SLC24A4: variants seen among roughly 807,000 people sequenced by gnomAD.
SLC24A4 encodes solute carrier family 24 member 4.
A neutral mutation model predicts 79.0 loss-of-function variants in SLC24A4; 53 were observed. The observed-to-expected ratio is 0.67, with a 90% CI of 0.54 to 0.84. The LOEUF is 0.84. Ranked by LOEUF, SLC24A4 falls within the 40% of genes least tolerant of loss-of-function variation. SLC24A4 has a pLI of 0.00. For synonymous variants in SLC24A4, 323 were observed against 323.8 expected (o/e 1.00, Z 0.03); for missense variants, 731 against 822.0 (o/e 0.89, Z 1.35).
chr14:92,451,714 A>G (rs1321733799), intron 10 of SLC24A4: 1 of 152,198 alleles, frequency 6.6e-6, no homozygotes, highest in East Asian at 1.9e-4. Context: ...GAGTACTGAA[A>G]CGTTCTTAAA....
intron 14 of SLC24A4, among the ~76,000 whole-genome samples, 197 bp downstream of exon 14, chr14:92,486,977 C>CT (rs1260536381): frequency 3.9e-5 from 6 of 152,180 alleles, no homozygotes; most frequent in African/African-American, 1.4e-4. Flanking sequence ...AAGATGAACT[C>CT]CTCCAGACCT....
chr14:92,359,300 G>A (rs1442829404), intron 2 of SLC24A4, among the ~76,000 whole-genome samples: 1 of 149,672 alleles, frequency 6.7e-6, no homozygotes, highest in East Asian at 1.9e-4. Context: ...TCAAGTCCGG[G>A]CACAGTGGCT....
intron 2 of SLC24A4, among the ~76,000 whole-genome samples, chr14:92,363,463 A>G (rs781529700): frequency 3.3e-5 from 5 of 152,238 alleles, no homozygotes; most frequent in Admixed American, 6.5e-5. Flanking sequence ...CACCATGTTA[A>G]CAGTCCAGGT....
intron 8 of SLC24A4, among the ~76,000 whole-genome samples, chr14:92,446,869 G>A (rs932834255): frequency 1.3e-5 from 2 of 152,196 alleles, no homozygotes; most frequent in African/African-American, 4.8e-5. Flanking sequence ...CCTTCCATGG[G>A]CAGCATAAGG....
At chr14:92,423,407 A>G (rs544068010) in intron 2 of SLC24A4, among the ~76,000 whole-genome samples, 1 of 152,338 alleles carries the variant, frequency 6.6e-6, no homozygotes, top group South Asian at 2.1e-4. Context: ...GGCCTTTCAA[A>G]GTGCGGCCTC....
intron 12 of SLC24A4, among the ~76,000 whole-genome samples, chr14:92,475,168 C>T (rs2139903773): frequency 6.6e-6 from 1 of 152,252 alleles, no homozygotes; most frequent in African/African-American, 2.4e-5. Flanking sequence ...ACTGCTCCCC[C>T]AGTGACCCAC....
Position 92,384,169 on chromosome 14 carries a change from G to A in SLC24A4, c.242-49743G>A, listed in dbSNP as rs79279950. ...ACACTCCACAGCTCCTCAGAAGAGC[G>A]TGGCAAACAGGGTCTTTGGGGTAAA... On this transcript the variant is annotated intron_variant, in intron 2 of 16. Transcript: ENST00000532405. 2.5e-4 allele frequency among the ~76,000 whole-genome samples: 38 copies of A among 152,292 alleles called. No individual in the cohort carries two copies. The Middle Eastern group carries it at 0.01, about 41-fold the overall frequency.
At position 92,456,486 on chromosome 14, in the gene SLC24A4, A is replaced by G. The variant is rs746739825; in HGVS notation, c.1133A>G (p.Asn378Ser). The G allele has an allele frequency of 1.2e-6, 2 of 1,614,222 alleles. No individual in the cohort carries two copies. The highest frequency in any genetic ancestry group is 1.1e-5 in the South Asian group (1 of 91,086). The change falls in exon 12 of 17, where the codon AAT (asparagine) becomes AGT (serine). Residue 378 changes from asparagine to serine, a missense_variant. Coordinates refer to ENST00000532405, the MANE Select transcript of SLC24A4 (RefSeq NM_153646.4). ...NGRHENIENGNVPVENPEDPQ... is the reference protein window; with the variant it reads ...NGRHENIENGSVPVENPEDPQ... ...AGGCACGAGAACATTGAGAACGGGA[A>G]TGTTCCTGTGGAAAACCCCGAAGAC...
chr14:92,404,718 A>G (rs573186717), intron 2 of SLC24A4, among the ~76,000 whole-genome samples: 1 of 152,284 alleles, frequency 6.6e-6, no homozygotes, highest in Non-Finnish European at 1.5e-5. Flanking sequence ...TGCCACACAT[A>G]TGTATCTCAA....
chr14:92,364,137 C>T (rs1395727392), intron 2 of SLC24A4, among the ~76,000 whole-genome samples: 4 of 152,202 alleles, frequency 2.6e-5, no homozygotes, highest in Non-Finnish European at 5.9e-5. Context: ...CTACTGCTTT[C>T]GTGACATAAT....
rs1019686759 is a variant in SLC24A4 at position 92,337,901 on chromosome 14, A to G, written c.241+11923A>G. Among the ~76,000 whole-genome samples the G allele has an allele frequency of 2.6e-5, 4 of 152,362 alleles. No homozygotes were observed. In the South Asian group the frequency reaches 8.3e-4, roughly 32 times the overall value. On this transcript the variant is annotated intron_variant, in intron 2 of 16. Coordinates refer to ENST00000532405, the MANE Select transcript of SLC24A4 (RefSeq NM_153646.4). ...TCTTAAAGAGAACTTAAACTGAAGT[A>G]TAACTTCACAGTACAAATTTTCGGA...
At chr14:92,406,520 G>A (rs1384394477) in intron 2 of SLC24A4, among the ~76,000 whole-genome samples, 3 of 152,194 alleles carry the variant, frequency 2.0e-5, no homozygotes, top group Admixed American at 6.5e-5. Flanking sequence ...TGGACATCCA[G>A]GCATTTCCAT....
intron 12 of SLC24A4, among the ~76,000 whole-genome samples, chr14:92,474,843 G>GTGTATATATATATATATATATATATA (rs779007741): frequency 4.2e-5 from 1 of 23,886 alleles, no homozygotes; most frequent in African/African-American, 9.8e-5. Flanking sequence ...GTGTGTGTGT[G>GTGTATATATATATATATATATATATA]TATATATATA....
intron 13 of SLC24A4, chr14:92,484,107 A>G (rs1895227892): frequency 1.0e-6 from 1 of 985,312 alleles, no homozygotes; most frequent in African/African-American, 1.7e-5. Context: ...GAATGAAAAG[A>G]GAGCCCAGCA....
Position 92,344,702 on chromosome 14 carries a change from G to T in SLC24A4, c.241+18724G>T, listed in dbSNP as rs1886425421. Among the ~76,000 whole-genome samples, 2 of 152,102 alleles carry T rather than the reference G, an allele frequency of 1.3e-5. 1 individual carries two copies. The highest frequency in any genetic ancestry group is 4.1e-4 in the South Asian group (2 of 4,830). On this transcript the variant is annotated intron_variant, in intron 2 of 16. Coordinates refer to ENST00000532405, the MANE Select transcript of SLC24A4 (RefSeq NM_153646.4). Reference sequence around the variant, plus strand: ...GCTGAGACAGTGAAAGTGGAGAGAGGATTTCATTTCAGAGACTGGGTTTTG... The same window carrying T: ...GCTGAGACAGTGAAAGTGGAGAGAGTATTTCATTTCAGAGACTGGGTTTTG...
At position 92,336,465 on chromosome 14, in the gene SLC24A4, G is replaced by C. The variant is rs567637931; in HGVS notation, c.241+10487G>C. On this transcript the variant is annotated intron_variant, in intron 2 of 16. Coordinates refer to ENST00000532405, the MANE Select transcript of SLC24A4 (RefSeq NM_153646.4). ...GCACTCCCTGCCCAGGGGTCTTCCG[G>C]TTGGAGGTGGGAACGCATGGCCGCC... Among the ~76,000 whole-genome samples the C allele has an allele frequency of 3.9e-5, 6 of 152,368 alleles. No homozygotes were observed. The South Asian group carries it at 1.0e-3, about 26-fold the overall frequency.
At position 92,353,135 on chromosome 14, in the gene SLC24A4, T is replaced by G. The variant is rs1028563100; in HGVS notation, c.241+27157T>G. On this transcript the variant is annotated intron_variant, in intron 2 of 16. Coordinates refer to ENST00000532405, the MANE Select transcript of SLC24A4 (RefSeq NM_153646.4). This position sits in a 1 kb window ranked among gnomAD's most constrained non-coding sequence, Gnocchi z 4.1. ...CCTCAAAGGCAACCCTTTAGCAGTTTGTGCATGCATAGAATATGGGCCTAT... is the reference window on the plus strand; with the variant it reads ...CCTCAAAGGCAACCCTTTAGCAGTTGGTGCATGCATAGAATATGGGCCTAT... 7.9e-5 allele frequency among the ~76,000 whole-genome samples: 12 copies of G among 152,212 alleles called. No individual in the cohort carries two copies. The highest frequency in any genetic ancestry group is 2.9e-4 in the African/African-American group (12 of 41,466).
rs545856362 is a variant in SLC24A4 at position 92,397,797 on chromosome 14, A to G, written c.242-36115A>G. Reference sequence around the variant, plus strand: ...TGCAAGTTGAGAATTAATAAAAGTAAAGTAAGAGCCCACCTGGCAGAGGGG... The same window carrying G: ...TGCAAGTTGAGAATTAATAAAAGTAGAGTAAGAGCCCACCTGGCAGAGGGG... On this transcript the variant is annotated intron_variant, in intron 2 of 16. Transcript: ENST00000532405. Among the ~76,000 whole-genome samples the G allele has an allele frequency of 2.0e-5, 3 of 152,338 alleles. No individual in the cohort carries two copies. In the South Asian group the frequency reaches 6.2e-4, roughly 32 times the overall value.
chr14:92,338,208 T>C (rs1885926915), intron 2 of SLC24A4, among the ~76,000 whole-genome samples: 1 of 152,200 alleles, frequency 6.6e-6, no homozygotes, highest in African/African-American at 2.4e-5. Context: ...ATTCTGGCCC[T>C]GACACAACCT....
Sources: allele counts gnomAD v4.1 joint callset (sites outside exome capture counted in the v4.1 genomes callset), GRCh38; gene constraint gnomAD v4.1.1; non-coding constraint Gnocchi (gnomAD v3.1); transcripts MANE v1.5; gene names NCBI Gene and HGNC (gene_info 2026-07-23, HGNC 2026-07-21).